Variants in BHMT observed in about 807,000 individuals in gnomAD.
BHMT encodes betaine--homocysteine S-methyltransferase 1.
In BHMT, 38 loss-of-function variants were observed where a neutral mutation model predicts 49.5. The ratio of observed to expected loss-of-function variants is 0.77; its 90% CI spans 0.59 to 1.01. The LOEUF (loss-of-function observed/expected upper bound fraction) is 1.01, where lower values mean the gene tolerates loss of function less well. Among genes scored for constraint, BHMT ranks in the 50% least tolerant of loss-of-function variants. The probability of loss-of-function intolerance (pLI) is 0.00; values close to 1 mark genes in which losing one functional copy is unlikely to be tolerated. For missense variants in BHMT, 426 were observed against 495.7 expected, an observed-to-expected ratio of 0.86 and a Z score of 1.34; for synonymous variants, 166 against 176.3, an observed-to-expected ratio of 0.94 and a Z score of 0.46.
chr5:79,131,659 T>C lies in BHMT; in HGVS notation c.*543T>C, dbSNP rs1453228141. The C allele has an allele frequency of 6.6e-6, 1 of 152,246 alleles. No homozygotes were observed. The highest frequency in any genetic ancestry group is 1.5e-5 in the Non-Finnish European group (1 of 68,054). The allele number at this position is 152,246 out of a possible 1,614,324, so 9.4% of individuals were successfully genotyped here. On this transcript the variant is annotated 3_prime_UTR_variant, in exon 8 of 8. Coordinates refer to ENST00000274353, the MANE Select transcript of BHMT (RefSeq NM_001713.3). ...TTCCATTCCTTTTCATTCTATTTCA[T>C]TTATAAAACATGCTAGTTGAGACTT...
chr5:79,120,055 A>G (rs1218668919), intron 3 of BHMT, among the ~76,000 whole-genome samples: 1 of 152,204 alleles, frequency 6.6e-6, no homozygotes, highest in East Asian at 1.9e-4. Flanking sequence ...TTCTAAGTGC[A>G]TCTCAGGCAC....
chr5:79,124,842 G>A (rs1338882681), intron 5 of BHMT, among the ~76,000 whole-genome samples: 2 of 152,182 alleles, frequency 1.3e-5, no homozygotes, highest in African/African-American at 4.8e-5. Flanking sequence ...TTGAGTAGCT[G>A]AAGTCAAAGG....
At chr5:79,128,239 G>A in intron 7 of BHMT, 1 of 454,502 alleles carries the variant, frequency 2.2e-6, no homozygotes, top group Non-Finnish European at 3.8e-6. Context: ...TTTAAATATA[G>A]GCTGGGTGCG....
intron 5 of BHMT, among the ~76,000 whole-genome samples, chr5:79,122,703 A>AAT (rs906056185): frequency 1.5e-4 from 23 of 150,868 alleles, no homozygotes; most frequent in East Asian, 5.8e-4. Context: ...CAATCTGATG[A>AAT]ATATATATAT....
At chr5:79,114,314 G>A (rs1416340077) in intron 1 of BHMT, among the ~76,000 whole-genome samples, 1 of 152,076 alleles carries the variant, frequency 6.6e-6, no homozygotes, top group African/African-American at 2.4e-5. Context: ...GCTTGAAAAT[G>A]TTTTGATCTG....
intron 1 of BHMT, among the ~76,000 whole-genome samples, chr5:79,112,443 G>C (rs1167421546): frequency 1.3e-5 from 2 of 152,218 alleles, no homozygotes; most frequent in East Asian, 3.9e-4. Flanking sequence ...CCAGAACAGG[G>C]AGGAGTGCAC....
At chr5:79,111,998 G>A in intron 1 of BHMT, 80 bp downstream of exon 1, 2 of 1,420,862 alleles carry the variant, frequency 1.4e-6, no homozygotes, top group Non-Finnish European at 9.4e-7. Flanking sequence ...GCGCAGAGGG[G>A]CCCTCGGACC....
At chr5:79,122,553 ACT>A (rs1420983109) in intron 5 of BHMT, among the ~76,000 whole-genome samples, 1 of 151,910 alleles carries the variant, frequency 6.6e-6, no homozygotes, top group African/African-American at 2.4e-5. Context: ...GGAAAGAGAA[ACT>A]CTGGCAGCAC....
intron 5 of BHMT, 34 bp from the exon 6 acceptor site, chr5:79,126,012 A>G: frequency 6.4e-7 from 1 of 1,569,426 alleles, no homozygotes; most frequent in Non-Finnish European, 8.7e-7. Flanking sequence ...TTTCTGGTGC[A>G]TCCCTAAGTC....
At position 79,131,765 on chromosome 5, in the gene BHMT, A is replaced by C. The variant is rs1293434384; in HGVS notation, c.*649A>C. ...TTGCTACAAGACACTTAAGGAGACC[A>C]TCCTGTTTAAGTTTATTCTTATAAG... is the stretch of plus-strand genomic sequence containing the variant. On this transcript the variant is annotated 3_prime_UTR_variant, in exon 8 of 8. Coordinates refer to ENST00000274353, the MANE Select transcript of BHMT (RefSeq NM_001713.3). The C allele has an allele frequency of 6.6e-6, 1 of 152,226 alleles. No individual in the cohort carries two copies. The highest frequency in any genetic ancestry group is 1.5e-5 in the Non-Finnish European group (1 of 68,044). The allele number at this position is 152,226 out of a possible 1,614,324, so 9.4% of individuals were successfully genotyped here.
chr5:79,114,085 GTA>G (rs60812751), intron 1 of BHMT, among the ~76,000 whole-genome samples: 40 of 145,996 alleles, frequency 2.7e-4, no homozygotes, highest in Admixed American at 1.3e-3. Flanking sequence ...GCTGGCAGTA[GTA>G]TATATATATA....
At chr5:79,127,229 C>A (rs1756566759) in intron 6 of BHMT, among the ~76,000 whole-genome samples, 1 of 152,178 alleles carries the variant, frequency 6.6e-6, no homozygotes, top group African/African-American at 2.4e-5. Flanking sequence ...GGGGGATCTA[C>A]TTCCTAGCTC....
At chr5:79,127,624 T>G in intron 6 of BHMT, 131 bp from the exon 7 acceptor site, 2 of 1,295,292 alleles carry the variant, frequency 1.5e-6, no homozygotes, top group Non-Finnish European at 2.1e-6. Context: ...GTAGCAAAGT[T>G]TTTTCTTAAA....
intron 6 of BHMT, 120 bp downstream of exon 6, chr5:79,126,348 G>A (rs1405357806): frequency 3.4e-5 from 40 of 1,183,626 alleles, no homozygotes; most frequent in Non-Finnish European, 4.6e-5. Context: ...GTCTCCTCAT[G>A]TCTTGTCCCT....
At chr5:79,125,411 G>A (rs557442665) in intron 5 of BHMT, among the ~76,000 whole-genome samples, 47 of 146,714 alleles carry the variant, frequency 3.2e-4, no homozygotes, top group African/African-American at 9.8e-4. Flanking sequence ...AGCTGAGATC[G>A]TGCCACTGCA....
chr5:79,126,166 T>C lies in BHMT; in HGVS notation c.746T>C (p.Leu249Ser). The stretch of plus-strand genomic sequence containing the variant: ...AAAGCTCACCTGATGAGCCAGCCCT[T>C]GGCTTACCACACTCCTGACTGCAAC... ...RLKAHLMSQP[L>S]AYHTPDCNKQ... Residue 249 changes from leucine to serine, a missense_variant, in exon 6 of 8, where the codon TTG becomes TCG. Around this residue, in one of 3 missense-constraint regions of BHMT, gnomAD observed 321 missense variants for 355.9 expected, o/e 0.90. Transcript: ENST00000274353. The C allele has an allele frequency of 1.9e-6, 3 of 1,613,834 alleles. No homozygotes were observed. The highest frequency in any genetic ancestry group is 2.7e-5 in the African/African-American group (2 of 75,046).
In BHMT at chr5:79,115,880, T is replaced by C. The variant is rs777266312; in HGVS notation, c.147T>C (p.Ala49=). The change falls in exon 2 of 8, where the codon GCT becomes GCC. Residue 49 remains alanine, a synonymous_variant. Coordinates refer to ENST00000274353, the MANE Select transcript of BHMT (RefSeq NM_001713.3). ...CAGGACCCTGGACTCCTGAAGCTGCTGTGGAGCACCCAGAAGCAGGTTGGT... is the reference window on the plus strand; with the variant it reads ...CAGGACCCTGGACTCCTGAAGCTGCCGTGGAGCACCCAGAAGCAGGTTGGT... The part of the protein sequence containing the change: ...VKAGPWTPEA[A]VEHPEAVRQL... 1.2e-6 allele frequency: 2 copies of C among 1,613,656 alleles called. No homozygotes were observed. Among genetic ancestry groups the C allele is most frequent in the Non-Finnish European group, 1.7e-6 (2 of 1,179,804 alleles).
intron 5 of BHMT, among the ~76,000 whole-genome samples, chr5:79,124,433 A>C (rs1304939267): frequency 6.7e-6 from 1 of 149,244 alleles, no homozygotes; most frequent in Non-Finnish European, 1.5e-5. Context: ...GTTTTACATG[A>C]TATATATTTT....
At chr5:79,111,999 C>A in intron 1 of BHMT, 81 bp downstream of exon 1, 1 of 1,406,664 alleles carries the variant, frequency 7.1e-7, no homozygotes, top group Non-Finnish European at 9.5e-7. Context: ...CGCAGAGGGG[C>A]CCTCGGACCC....
Sources: allele counts gnomAD v4.1 joint callset (sites outside exome capture counted in the v4.1 genomes callset), GRCh38; gene constraint gnomAD v4.1.1; regional missense constraint gnomAD v4.1.1; transcripts MANE v1.5; gene names NCBI Gene and HGNC (gene_info 2026-07-23, HGNC 2026-07-21).